Variants in RSPO2 observed in about 807,000 individuals in gnomAD.
The protein encoded by RSPO2 is R-spondin-2.
A neutral mutation model predicts 30.9 loss-of-function variants in RSPO2; 14 were observed. The observed-to-expected ratio is 0.45, with a 90% CI of 0.30 to 0.71. The LOEUF (loss-of-function observed/expected upper bound fraction) is 0.71, where lower values mean the gene tolerates loss of function less well. RSPO2 is among the 30% of genes least tolerant of loss of function. RSPO2 has a pLI of 0.08. For synonymous variants in RSPO2, 107 were observed against 96.4 expected (o/e 1.11, Z -0.64); for missense variants, 264 against 301.9 (o/e 0.87, Z 0.93).
At chr8:108,030,119 G>GAAAAAAAA (rs11434221) in intron 2 of RSPO2, among the ~76,000 whole-genome samples, 1 of 70,994 alleles carries the variant, frequency 1.4e-5, no homozygotes, top group African/African-American at 5.0e-5. Context: ...GGATAGATAG[G>GAAAAAAAA]AAAAAAAAAA....
intron 2 of RSPO2, among the ~76,000 whole-genome samples, chr8:108,057,736 G>C (rs1812302412): frequency 6.6e-6 from 1 of 152,142 alleles, no homozygotes. Flanking sequence ...AAAGCTATGT[G>C]TATTCCTAGT....
At chr8:108,033,048 T>C (rs1322206392) in intron 2 of RSPO2, among the ~76,000 whole-genome samples, 1 of 39,558 alleles carries the variant, frequency 2.5e-5, no homozygotes, top group African/African-American at 1.4e-4. Flanking sequence ...AGACTCTGTC[T>C]CAAAAAAAAA....
chr8:108,063,164 G>A (rs1184767754), intron 2 of RSPO2, among the ~76,000 whole-genome samples: 5 of 151,784 alleles, frequency 3.3e-5, no homozygotes, highest in African/African-American at 1.2e-4. Context: ...TCAAAATAGT[G>A]TTGGAAGTTC....
At chr8:107,930,333 G>C (rs993272132) in intron 5 of RSPO2, among the ~76,000 whole-genome samples, 2 of 152,186 alleles carry the variant, frequency 1.3e-5, no homozygotes, top group Admixed American at 1.3e-4. Flanking sequence ...AGAGCTGAAA[G>C]GGTTAGCAAT....
At chr8:107,947,686 T>G (rs1179639742) in intron 5 of RSPO2, among the ~76,000 whole-genome samples, 1 of 152,206 alleles carries the variant, frequency 6.6e-6, no homozygotes, top group East Asian at 1.9e-4. Context: ...CCTAACACTT[T>G]AGCAACACCA....
intron 3 of RSPO2, among the ~76,000 whole-genome samples, chr8:107,982,006 C>CAAAAA (rs1404787070): frequency 5.1e-5 from 1 of 19,682 alleles, no homozygotes; most frequent in African/African-American, 1.3e-4. Flanking sequence ...ACAACAACAA[C>CAAAAA]AACAAAAAAA....
At chr8:107,979,701 G>A (rs1371723301) in intron 3 of RSPO2, among the ~76,000 whole-genome samples, 1 of 151,306 alleles carries the variant, frequency 6.6e-6, no homozygotes, top group Non-Finnish European at 1.5e-5. Context: ...AGAAATCTGT[G>A]AGTCATTGAG....
intron 2 of RSPO2, among the ~76,000 whole-genome samples, chr8:107,993,355 G>A (rs191040740): frequency 4.7e-4 from 71 of 151,998 alleles, no homozygotes; most frequent in Admixed American, 1.2e-3. Flanking sequence ...GACAAATTAC[G>A]GTATATTCAA....
chr8:107,959,559 G>T (rs765846955), intron 4 of RSPO2, among the ~76,000 whole-genome samples: 10 of 152,126 alleles, frequency 6.6e-5, no homozygotes, highest in Non-Finnish European at 1.3e-4. Context: ...CTGCTTCTTA[G>T]ACTTTTCAAA....
chr8:107,925,171 G>A (rs779891679), intron 5 of RSPO2, among the ~76,000 whole-genome samples: 1 of 151,824 alleles, frequency 6.6e-6, no homozygotes, highest in Non-Finnish European at 1.5e-5. Flanking sequence ...GGGGATGTCA[G>A]GGGTAAAAGA....
In RSPO2 at chr8:107,912,581, A is replaced by G. The variant is rs535170594; in HGVS notation, c.617-11391T>C. Among the ~76,000 whole-genome samples the G allele has an allele frequency of 1.2e-4, 18 of 152,322 alleles. No individual in the cohort carries two copies. The East Asian group carries it at 3.5e-3, about 29-fold the overall frequency. On this transcript the variant is annotated intron_variant, in intron 5 of 5. Transcript: ENST00000276659. ...ATATTCCAGAAACTGGAGTTACTCT[A>G]CAGAATATCTCTATTCATGAACAGG...
intron 5 of RSPO2, among the ~76,000 whole-genome samples, chr8:107,942,854 G>A (rs371063416): frequency 6.6e-6 from 1 of 152,204 alleles, no homozygotes; most frequent in African/African-American, 2.4e-5. Context: ...TTAAATTATA[G>A]TTGCTGTTTT....
chr8:107,981,754 C>T (rs1404438232), intron 3 of RSPO2, among the ~76,000 whole-genome samples: 1 of 151,864 alleles, frequency 6.6e-6, no homozygotes, highest in Non-Finnish European at 1.5e-5. Context: ...CAACTACTTG[C>T]GAGGCTGAAG....
chr8:108,031,338 G>A (rs1222642952), intron 2 of RSPO2, among the ~76,000 whole-genome samples: 2 of 152,286 alleles, frequency 1.3e-5, no homozygotes, highest in African/African-American at 4.8e-5. Flanking sequence ...AACACATGGA[G>A]TCCATTATGA....
In RSPO2 at chr8:108,082,582, G is replaced by T. The variant is rs768980014; in HGVS notation, c.57C>A (p.Ser19Arg). The change falls in exon 2 of 6, where the codon AGC (serine) becomes AGA (arginine). Residue 19 changes from serine (S) to arginine (R), a missense_variant. Transcript: ENST00000276659. ...ALIILNCMDY[S>R]HCQGNRWRRS... is the part of the protein sequence containing the mutation. The stretch of plus-strand genomic sequence containing the variant: ...GTCTCCATCGGTTGCCTTGGCAGTG[G>T]CTGTAATCCATGCAGTTCAGAATGA... The T allele has an allele frequency of 1.2e-6, 2 of 1,614,124 alleles. No homozygotes were observed. Among genetic ancestry groups the T allele is most frequent in the East Asian group, 2.2e-5 (1 of 44,874 alleles).
At chr8:108,058,349 G>C (rs1459272698) in intron 2 of RSPO2, among the ~76,000 whole-genome samples, 1 of 151,992 alleles carries the variant, frequency 6.6e-6, no homozygotes, top group Admixed American at 6.6e-5. Flanking sequence ...AAATAAAAGA[G>C]GATACAAACA....
chr8:108,008,872 T>C (rs1020130864), intron 2 of RSPO2, among the ~76,000 whole-genome samples: 1 of 151,794 alleles, frequency 6.6e-6, no homozygotes, highest in South Asian at 2.1e-4. Flanking sequence ...GAAAAGGTCA[T>C]TGAAACATAC....
At chr8:108,019,337 G>T (rs1169916702) in intron 2 of RSPO2, among the ~76,000 whole-genome samples, 2 of 151,902 alleles carry the variant, frequency 1.3e-5, no homozygotes, top group Non-Finnish European at 1.5e-5. Context: ...CTGGGTGACA[G>T]ACCAAGACTC....
intron 5 of RSPO2, among the ~76,000 whole-genome samples, chr8:107,925,608 T>C (rs1812340190): frequency 6.6e-6 from 1 of 150,944 alleles, no homozygotes; most frequent in African/African-American, 2.4e-5. Flanking sequence ...CCTGTGTCCA[T>C]GTGTTCTCAT....
Sources: allele counts gnomAD v4.1 joint callset (sites outside exome capture counted in the v4.1 genomes callset), GRCh38; gene constraint gnomAD v4.1.1; transcripts MANE v1.5; gene names NCBI Gene and HGNC (gene_info 2026-07-23, HGNC 2026-07-21).